ACTR3: variants seen among roughly 807,000 people sequenced by gnomAD.
ACTR3 encodes the protein actin-related protein 3.
ACTR3 carries 12 observed loss-of-function variants against 56.8 expected under a neutral mutation model. The observed-to-expected ratio is 0.21, with a 90% confidence interval of 0.14 to 0.34. The LOEUF is 0.34. Among genes scored for constraint, ACTR3 ranks in the 10% least tolerant of loss-of-function variants. ACTR3 has a pLI of 1.00. For missense variants in ACTR3, 282 were observed against 512.5 expected, an observed-to-expected ratio of 0.55 and a Z score of 4.34; for synonymous variants, 162 against 167.4, an observed-to-expected ratio of 0.97 and a Z score of 0.25.
chr2:113,933,250 C>A (rs1019076675), intron 5 of ACTR3, among the ~76,000 whole-genome samples: 1 of 152,126 alleles, frequency 6.6e-6, no homozygotes, highest in African/African-American at 2.4e-5. Context: ...GTGGCTCATG[C>A]CTATAATCCC....
chr2:113,953,952 C>T (rs1680166138), intron 10 of ACTR3: 1 of 152,178 alleles, frequency 6.6e-6, no homozygotes, highest in Non-Finnish European at 1.5e-5. Context: ...TGTGTTGCTT[C>T]AGTCTGTTAC....
intron 1 of ACTR3, among the ~76,000 whole-genome samples, chr2:113,909,672 G>T (rs1271231755): frequency 1.3e-5 from 2 of 149,652 alleles, no homozygotes; most frequent in South Asian, 4.2e-4. Context: ...TATGTGAGGG[G>T]GGAATAGGGA....
chr2:113,925,768 A>G (rs1005354744), intron 3 of ACTR3, among the ~76,000 whole-genome samples: 4 of 152,340 alleles, frequency 2.6e-5, no homozygotes, highest in Middle Eastern at 3.4e-3. Flanking sequence ...TTATAAGTAT[A>G]ATGCCTTAAA....
intron 1 of ACTR3, among the ~76,000 whole-genome samples, chr2:113,901,918 A>T (rs1167797891): frequency 6.6e-6 from 1 of 152,230 alleles, no homozygotes; most frequent in Non-Finnish European, 1.5e-5. Context: ...ATTAAAAATA[A>T]TATCCAAGGC....
chr2:113,913,498 G>C (rs1679346039), intron 2 of ACTR3, among the ~76,000 whole-genome samples: 1 of 152,084 alleles, frequency 6.6e-6, no homozygotes, highest in Non-Finnish European at 1.5e-5. Flanking sequence ...CCAATTTTTA[G>C]GGTGATATTG....
At chr2:113,895,899 C>T (rs1432865913) in intron 1 of ACTR3, among the ~76,000 whole-genome samples, 1 of 152,046 alleles carries the variant, frequency 6.6e-6, no homozygotes, top group African/African-American at 2.4e-5. Flanking sequence ...GTCTCTGTTG[C>T]CCAAACTGGA....
intron 1 of ACTR3, among the ~76,000 whole-genome samples, chr2:113,894,942 T>C (rs868742008): frequency 2.0e-4 from 30 of 152,164 alleles, no homozygotes; most frequent in African/African-American, 7.2e-4. Context: ...TCATTGTTGT[T>C]AGTAAAGTTA....
chr2:113,947,886 A>G lies in ACTR3; in HGVS notation c.859-3593A>G, dbSNP rs548459905. On this transcript the variant is annotated intron_variant, in intron 8 of 11. Coordinates refer to ENST00000263238, the MANE Select transcript of ACTR3 (RefSeq NM_005721.5). ...ATGTTCCTTATAAGTAATTTCTTCTATGAGAAACCTGTTTCTCTTTTTAAA... is the reference window on the plus strand; with the variant it reads ...ATGTTCCTTATAAGTAATTTCTTCTGTGAGAAACCTGTTTCTCTTTTTAAA... 5.3e-5 allele frequency among the ~76,000 whole-genome samples: 8 copies of G among 152,212 alleles called. No homozygotes were observed. The South Asian group carries it at 1.5e-3, about 28-fold the overall frequency.
intron 1 of ACTR3, among the ~76,000 whole-genome samples, chr2:113,892,143 C>T (rs963935340): frequency 1.2e-4 from 18 of 152,140 alleles, no homozygotes; most frequent in African/African-American, 4.1e-4. Flanking sequence ...TCCATTTTCC[C>T]CCTTTTGAAA....
chr2:113,916,868 C>G lies in ACTR3; in HGVS notation c.101-16C>G. On this transcript the variant is annotated splice_polypyrimidine_tract_variant and intron_variant, in intron 2 of 11. Transcript: ENST00000263238. ...GAGGAAAATGAATTCTTTGACATGT[C>G]TAACTTATTTTAAAGGTATTGCTAT... 1 of 1,581,196 alleles carries G rather than the reference C, an allele frequency of 6.3e-7. No individual in the cohort carries two copies. The highest frequency in any genetic ancestry group is 8.6e-7 in the Non-Finnish European group (1 of 1,164,458).
chr2:113,936,369 G>A (rs895347582), intron 6 of ACTR3, among the ~76,000 whole-genome samples: 29 of 145,756 alleles, frequency 2.0e-4, no homozygotes, highest in African/African-American at 3.5e-4. Context: ...TACTTTTCCC[G>A]CCTTCTTTAG....
chr2:113,899,759 G>A (rs536732951), intron 1 of ACTR3, among the ~76,000 whole-genome samples: 84 of 152,318 alleles, frequency 5.5e-4, no homozygotes, highest in Middle Eastern at 6.8e-3. Flanking sequence ...TCAAGTGATA[G>A]CGTCCTGCAT....
intron 1 of ACTR3, among the ~76,000 whole-genome samples, chr2:113,891,438 C>T (rs1304276976): frequency 5.9e-5 from 9 of 151,920 alleles, no homozygotes. Flanking sequence ...GAGAGTTGTA[C>T]CACACTCATA....
At position 113,957,513 on chromosome 2, in the gene ACTR3, A is replaced by C; in HGVS notation, c.*58A>C. The C allele has an allele frequency of 7.1e-7, 1 of 1,414,322 alleles. No homozygotes were observed. The highest frequency in any genetic ancestry group is 1.0e-6 in the Non-Finnish European group (1 of 1,001,430). The allele number at this position is 1,414,322 out of a possible 1,614,324, so 87.6% of individuals were successfully genotyped here. A position where few individuals can be genotyped will look rare whatever the true frequency, so the allele number is the denominator to read the frequency against. On this transcript the variant is annotated 3_prime_UTR_variant, in exon 12 of 12. Coordinates refer to ENST00000263238, the MANE Select transcript of ACTR3 (RefSeq NM_005721.5). ...TGGGGAAGAGATAATCTTTCTGATT[A>C]CCTGTTTTGTCTGGATGGCTGGTTT... is the stretch of plus-strand genomic sequence containing the variant.
chr2:113,920,999 G>A (rs962159309), intron 3 of ACTR3, among the ~76,000 whole-genome samples: 3 of 152,106 alleles, frequency 2.0e-5, no homozygotes, highest in African/African-American at 7.2e-5. Flanking sequence ...TAGGATGGCT[G>A]GATCATATGG....
chr2:113,905,413 C>T (rs948625683), intron 1 of ACTR3, among the ~76,000 whole-genome samples: 11 of 149,912 alleles, frequency 7.3e-5, no homozygotes, highest in Admixed American at 1.3e-4. Flanking sequence ...TGCAGTGAGC[C>T]GAGATGGCGC....
chr2:113,912,069 T>A (rs1364464916), intron 1 of ACTR3, among the ~76,000 whole-genome samples: 1 of 152,114 alleles, frequency 6.6e-6, no homozygotes, highest in Non-Finnish European at 1.5e-5. Context: ...AGCGAGGGTG[T>A]TTCACCGTGT....
At chr2:113,898,159 A>G (rs1239958644) in intron 1 of ACTR3, among the ~76,000 whole-genome samples, 1 of 152,016 alleles carries the variant, frequency 6.6e-6, no homozygotes, top group African/African-American at 2.4e-5. Flanking sequence ...GCCTAGTTAT[A>G]GAGATTATTT....
intron 2 of ACTR3, among the ~76,000 whole-genome samples, chr2:113,913,687 C>T (rs1053911787): frequency 2.0e-5 from 3 of 152,190 alleles, no homozygotes; most frequent in Admixed American, 6.5e-5. Flanking sequence ...CTCACTATCT[C>T]ACCTTTAGAG....
Sources: gnomAD v4.1 joint callset for allele counts (sites outside exome capture counted in the v4.1 genomes callset) on GRCh38, gnomAD v4.1.1 for gene constraint, MANE v1.5 for transcripts, NCBI Gene and HGNC (gene_info 2026-07-23, HGNC 2026-07-21) for gene names.